NLK: variants seen among roughly 807,000 people sequenced by gnomAD.
NLK encodes the protein nemo like kinase, also known as serine/threonine-protein kinase NLK.
NLK carries 11 observed loss-of-function variants against 59.0 expected under a neutral mutation model. The ratio of observed to expected loss-of-function variants is 0.19; its 90% CI spans 0.12 to 0.31. The LOEUF (loss-of-function observed/expected upper bound fraction) is 0.31, where lower values mean the gene tolerates loss of function less well. Among genes scored for constraint, NLK ranks in the 10% least tolerant of loss-of-function variants. NLK has a pLI of 1.00. For synonymous variants in NLK, 235 were observed against 235.9 expected (o/e 1.00, Z 0.03); for missense variants, 410 against 661.1 (o/e 0.62, Z 4.16).
chr17:28,107,416 G>A (rs571881048), intron 1 of NLK, among the ~76,000 whole-genome samples: 7 of 151,402 alleles, frequency 4.6e-5, no homozygotes, highest in South Asian at 2.1e-4. Context: ...GCTGGGCAAC[G>A]AGAGCGAAAC....
chr17:28,107,261 C>T (rs1191895947), intron 1 of NLK, among the ~76,000 whole-genome samples: 1 of 151,918 alleles, frequency 6.6e-6, no homozygotes, highest in Non-Finnish European at 1.5e-5. Context: ...TGATGAGACC[C>T]CCGTCTCTAC....
chr17:28,122,978 T>C (rs2142819795), intron 2 of NLK, among the ~76,000 whole-genome samples: 1 of 152,332 alleles, frequency 6.6e-6, no homozygotes, highest in East Asian at 1.9e-4. Flanking sequence ...TAAGCTGTAG[T>C]CTTTCAGTGC....
At position 28,083,045 on chromosome 17, in the gene NLK, T is replaced by G. The variant is rs569063572; in HGVS notation, c.459-39558T>G. Among the ~76,000 whole-genome samples the G allele has an allele frequency of 1.1e-4, 17 of 152,322 alleles. No individual in the cohort carries two copies. The South Asian group carries it at 3.5e-3, about 32-fold the overall frequency. The stretch of plus-strand genomic sequence containing the variant: ...GTTTAGAAATAAGTAGAGTTTAAAT[T>G]TACCTTTTCCCACACTGTTCTTATG... On this transcript the variant is annotated intron_variant, in intron 1 of 10. Coordinates refer to ENST00000407008, the MANE Select transcript of NLK (RefSeq NM_016231.5).
intron 1 of NLK, among the ~76,000 whole-genome samples, chr17:28,113,640 C>T (rs1220022039): frequency 6.6e-6 from 1 of 152,154 alleles, no homozygotes; most frequent in Admixed American, 6.5e-5. Context: ...TGTATTTTAG[C>T]TGGCTGCTTT....
intron 3 of NLK, 136 bp from the exon 4 acceptor site, chr17:28,161,024 T>C: frequency 1.9e-6 from 1 of 533,344 alleles, no homozygotes; most frequent in Non-Finnish European, 3.4e-6. Context: ...AATTCTCACC[T>C]CTGTCACGCT....
At chr17:28,077,073 C>CTTTTTTTTTTTTT (rs35639099) in intron 1 of NLK, among the ~76,000 whole-genome samples, 189 of 42,450 alleles carry the variant, frequency 4.5e-3, no homozygotes, top group Non-Finnish European at 5.1e-3. Context: ...CTCTTTCTTT[C>CTTTTTTTTTTTTT]TTTTTTTTTT....
intron 2 of NLK, among the ~76,000 whole-genome samples, chr17:28,127,084 C>T (rs1027010810): frequency 2.6e-5 from 4 of 152,254 alleles, no homozygotes; most frequent in African/African-American, 4.8e-5. Context: ...GCCCCTGTAA[C>T]GCAAGTCTTG....
At chr17:28,163,519 A>C in intron 4 of NLK, 24 bp from the exon 5 acceptor site, 1 of 1,358,008 alleles carries the variant, frequency 7.4e-7, no homozygotes, top group Non-Finnish European at 1.0e-6. Flanking sequence ...AAATATCTGC[A>C]ATTAAATCTG....
At chr17:28,068,446 A>G (rs1909907001) in intron 1 of NLK, among the ~76,000 whole-genome samples, 1 of 152,160 alleles carries the variant, frequency 6.6e-6, no homozygotes, top group South Asian at 2.1e-4. Context: ...ATTTTCAAAA[A>G]TGATATTTGT....
chr17:28,144,374 A>G (rs938193106), intron 3 of NLK, among the ~76,000 whole-genome samples: 1 of 147,804 alleles, frequency 6.8e-6, no homozygotes, highest in Non-Finnish European at 1.5e-5. Flanking sequence ...GCTCTTTGAA[A>G]CACCTGTGTT....
chr17:28,070,403 G>A (rs1220592481), intron 1 of NLK, among the ~76,000 whole-genome samples: 2 of 139,182 alleles, frequency 1.4e-5, no homozygotes, highest in East Asian at 4.3e-4. Flanking sequence ...TTGCCAGGCT[G>A]GAGTGCAGTG....
At chr17:28,179,882 T>TG (rs1245624076) in intron 7 of NLK, among the ~76,000 whole-genome samples, 3 of 148,812 alleles carry the variant, frequency 2.0e-5, no homozygotes, top group African/African-American at 7.4e-5. Flanking sequence ...GTTTTTTTTT[T>TG]TTTTTTTTTT....
intron 10 of NLK, among the ~76,000 whole-genome samples, chr17:28,192,963 A>G (rs903401569): frequency 1.6e-4 from 25 of 152,314 alleles, no homozygotes; most frequent in Middle Eastern, 3.4e-3. Flanking sequence ...CATATGGTAG[A>G]GCTATGAACC....
At chr17:28,168,110 A>G (rs1362233577) in intron 5 of NLK, among the ~76,000 whole-genome samples, 1 of 151,452 alleles carries the variant, frequency 6.6e-6, no homozygotes, top group Non-Finnish European at 1.5e-5. Context: ...GGATCACCTG[A>G]GGTCAGGAGT....
chr17:28,111,002 G>T (rs4795317), intron 1 of NLK, among the ~76,000 whole-genome samples: 1 of 151,184 alleles, frequency 6.6e-6, no homozygotes, highest in Non-Finnish European at 1.5e-5. Context: ...CCGCCACTAC[G>T]CCCGGCTAAT....
chr17:28,187,859 A>AAG (rs1220679014), intron 8 of NLK, among the ~76,000 whole-genome samples: 2 of 152,176 alleles, frequency 1.3e-5, no homozygotes, highest in African/African-American at 4.8e-5. Flanking sequence ...AAGGAAGAGT[A>AAG]TATATTCTTT....
downstream of NLK, among the ~76,000 whole-genome samples, chr17:28,199,689 AC>A (rs1909578282): frequency 3.1e-3 from 44 of 14,314 alleles, no homozygotes; most frequent in African/African-American, 6.7e-3. Context: ...AAAAAACAAA[AC>A]AAAACAAAAA....
At chr17:28,167,627 A>G (rs1341653995) in intron 5 of NLK, among the ~76,000 whole-genome samples, 3 of 150,878 alleles carry the variant, frequency 2.0e-5, no homozygotes, top group Non-Finnish European at 4.4e-5. Flanking sequence ...AGGCAAGCAG[A>G]TTGCTTGAAC....
At position 28,116,123 on chromosome 17, in the gene NLK, A is replaced by C. The variant is rs565550197; in HGVS notation, c.459-6480A>C. The C allele has an allele frequency of 7.3e-4, 111 of 152,322 alleles. 1 individual carries two copies. The highest frequency in any genetic ancestry group is 2.6e-3 in the African/African-American group (108 of 41,584). 9.4% of individuals were successfully genotyped at this position (152,322 alleles called of 1,614,324 possible). ...TTTTATTTATAACTAATTCTAAGCCATATTGACATTTCCTCATTTATATTT... is the reference window on the plus strand; with the variant it reads ...TTTTATTTATAACTAATTCTAAGCCCTATTGACATTTCCTCATTTATATTT... On this transcript the variant is annotated intron_variant, in intron 1 of 10. Coordinates refer to ENST00000407008, the MANE Select transcript of NLK (RefSeq NM_016231.5).
Sources: gnomAD v4.1 joint callset for allele counts (sites outside exome capture counted in the v4.1 genomes callset) on GRCh38, gnomAD v4.1.1 for gene constraint, MANE v1.5 for transcripts, NCBI Gene and HGNC (gene_info 2026-07-23, HGNC 2026-07-21) for gene names.